SHISA6: variants seen among roughly 807,000 people sequenced by gnomAD.
The protein encoded by SHISA6 is shisa family member 6, also known as protein shisa-6.
Under a neutral mutation model 47.9 loss-of-function variants are expected in SHISA6, and 22 were observed. The ratio of observed to expected loss-of-function variants is 0.46; its 90% CI spans 0.33 to 0.66. The LOEUF is 0.66. Ranked by LOEUF, SHISA6 falls within the 30% of genes least tolerant of loss-of-function variation. SHISA6 has a pLI of 0.02. For synonymous variants in SHISA6, 388 were observed against 337.8 expected (o/e 1.15, Z -1.63); for missense variants, 680 against 764.6 (o/e 0.89, Z 1.30).
intron 3 of SHISA6, among the ~76,000 whole-genome samples, chr17:11,476,539 AT>A (rs1916056368): frequency 6.6e-6 from 1 of 151,876 alleles, no homozygotes; most frequent in Non-Finnish European, 1.5e-5. Context: ...GACTCCTGTT[AT>A]TTAGAAATGT....
chr17:11,307,546 C>T (rs970747106), intron 2 of SHISA6, among the ~76,000 whole-genome samples: 6 of 152,280 alleles, frequency 3.9e-5, no homozygotes, highest in African/African-American at 1.2e-4. Flanking sequence ...TAGTTGAGCT[C>T]ATAGGCACAT....
chr17:11,501,955 C>A (rs2071457249), intron 3 of SHISA6, among the ~76,000 whole-genome samples: 1 of 152,158 alleles, frequency 6.6e-6, no homozygotes, highest in Non-Finnish European at 1.5e-5. Flanking sequence ...GGGACAATTC[C>A]TTGATAACAA....
At chr17:11,358,366 C>CT (rs926354630) in intron 2 of SHISA6, among the ~76,000 whole-genome samples, 33 of 148,818 alleles carry the variant, frequency 2.2e-4, no homozygotes, top group South Asian at 6.4e-4. Context: ...TGACAGGATT[C>CT]TTTTTTTTTT....
chr17:11,423,044 A>G (rs1914493198), intron 3 of SHISA6, among the ~76,000 whole-genome samples: 1 of 151,904 alleles, frequency 6.6e-6, no homozygotes, highest in Admixed American at 6.6e-5. Context: ...AAATGTCTGC[A>G]TGGGTTTTGT....
In SHISA6 at chr17:11,410,088, C is replaced by A. The variant is rs114182051; in HGVS notation, c.895+30579C>A. On this transcript the variant is annotated intron_variant, in intron 3 of 5. Coordinates refer to ENST00000441885, the MANE Select transcript of SHISA6 (RefSeq NM_207386.4). ...TAGCCACAAGTTGTGAGTCCAGATG[C>A]CTCCCAGTCTTCCAGGAGTCTTAAT... Among the ~76,000 whole-genome samples the A allele has an allele frequency of 5.6e-3, 859 of 152,274 alleles. 9 individuals are homozygous for A. Among genetic ancestry groups the A allele is most frequent in the African/African-American group, 0.02 (821 of 41,570 alleles).
chr17:11,509,850 T>C (rs2071528719), intron 3 of SHISA6, among the ~76,000 whole-genome samples: 1 of 152,158 alleles, frequency 6.6e-6, no homozygotes, highest in Non-Finnish European at 1.5e-5. Context: ...GTGTGCTTTG[T>C]GCACCCTGCC....
chr17:11,341,676 GC>G (rs1911535551), intron 2 of SHISA6, among the ~76,000 whole-genome samples: 1 of 152,076 alleles, frequency 6.6e-6, no homozygotes, highest in African/African-American at 2.4e-5. Flanking sequence ...GCTCAGAGGA[GC>G]TCATTGATCT....
chr17:11,289,153 A>C (rs1387460547), intron 2 of SHISA6: 1 of 151,952 alleles, frequency 6.6e-6, no homozygotes, highest in Non-Finnish European at 1.5e-5. Flanking sequence ...TTGAATTTTG[A>C]CTCCTGCCTT....
At chr17:11,531,844 C>T (rs1439337552) in intron 3 of SHISA6, among the ~76,000 whole-genome samples, 4 of 152,146 alleles carry the variant, frequency 2.6e-5, no homozygotes, top group Non-Finnish European at 5.9e-5. Flanking sequence ...TTTAAATGTT[C>T]TCAACACACA....
chr17:11,330,728 C>T (rs1218414034), intron 2 of SHISA6, among the ~76,000 whole-genome samples: 1 of 151,834 alleles, frequency 6.6e-6, no homozygotes, highest in Non-Finnish European at 1.5e-5. Flanking sequence ...ACAGCATACA[C>T]GAGCAAAGAA....
intron 3 of SHISA6, among the ~76,000 whole-genome samples, chr17:11,498,244 A>G (rs771556982): frequency 5.9e-5 from 9 of 152,198 alleles, no homozygotes. Flanking sequence ...CTCCTGATGT[A>G]TCTTGCACCT....
chr17:11,322,223 C>T (rs1910739946), intron 2 of SHISA6, among the ~76,000 whole-genome samples: 1 of 152,030 alleles, frequency 6.6e-6, no homozygotes, highest in African/African-American at 2.4e-5. Flanking sequence ...AAGCCCCACT[C>T]TACATTGTTT....
At chr17:11,431,142 A>G (rs2142289732) in intron 3 of SHISA6, among the ~76,000 whole-genome samples, 1 of 152,214 alleles carries the variant, frequency 6.6e-6, no homozygotes, top group South Asian at 2.1e-4. Context: ...TTCTCTTCTC[A>G]TGTCCCCCCT....
At chr17:11,372,732 G>A (rs1256453452) in intron 2 of SHISA6, among the ~76,000 whole-genome samples, 2 of 152,014 alleles carry the variant, frequency 1.3e-5, no homozygotes, top group East Asian at 1.9e-4. Flanking sequence ...GGTATAATAT[G>A]TGTTTTATCT....
intron 3 of SHISA6, among the ~76,000 whole-genome samples, chr17:11,486,193 C>T (rs1267139830): frequency 6.6e-6 from 1 of 152,158 alleles, no homozygotes; most frequent in Non-Finnish European, 1.5e-5. Flanking sequence ...ATTTCTTCCA[C>T]GTGGCGCTGT....
intron 3 of SHISA6, among the ~76,000 whole-genome samples, chr17:11,534,417 T>C (rs981703681): frequency 1.3e-5 from 2 of 152,102 alleles, no homozygotes; most frequent in African/African-American, 2.4e-5. Flanking sequence ...ATAATGGCCA[T>C]ATTTATCCAC....
intron 2 of SHISA6, among the ~76,000 whole-genome samples, chr17:11,352,561 A>G (rs205064): frequency 0.68 from 103,641 of 152,050 alleles, 35,624 homozygotes; most frequent in Middle Eastern, 0.72. Context: ...TCTTGCTGCT[A>G]ATCATACCCA....
intron 3 of SHISA6, among the ~76,000 whole-genome samples, chr17:11,404,175 T>C (rs149628958): frequency 3.3e-5 from 5 of 152,362 alleles, no homozygotes; most frequent in Non-Finnish European, 5.9e-5. Flanking sequence ...AACTCCTGTC[T>C]TTGCTCTTTT....
chr17:11,418,117 T>A (rs1914338575), intron 3 of SHISA6, among the ~76,000 whole-genome samples: 1 of 152,200 alleles, frequency 6.6e-6, no homozygotes, highest in Admixed American at 6.5e-5. Context: ...ACAGAATATG[T>A]CAAAAGTAGC....
Sources: gnomAD v4.1 joint callset for allele counts (sites outside exome capture counted in the v4.1 genomes callset) on GRCh38, gnomAD v4.1.1 for gene constraint, MANE v1.5 for transcripts, NCBI Gene and HGNC (gene_info 2026-07-23, HGNC 2026-07-21) for gene names.